Variants in ZHX2 observed in about 807,000 individuals in gnomAD.
ZHX2 encodes zinc fingers and homeoboxes protein 2.
In ZHX2, 6 loss-of-function variants were observed where a neutral mutation model predicts 21.9. The ratio of observed to expected loss-of-function variants is 0.27; its 90% CI spans 0.15 to 0.54. ZHX2 has a LOEUF of 0.54. ZHX2 is among the 20% of genes least tolerant of loss of function. The pLI, the probability that ZHX2 is intolerant of heterozygous loss-of-function variation, is 0.95. For synonymous variants in ZHX2, 434 were observed against 437.1 expected (o/e 0.99, Z 0.09); for missense variants, 908 against 1,090.7 (o/e 0.83, Z 2.36).
intron 2 of ZHX2, among the ~76,000 whole-genome samples, chr8:122,890,341 T>C (rs1819947391): frequency 6.6e-6 from 1 of 152,210 alleles, no homozygotes; most frequent in South Asian, 2.1e-4. Context: ...GCCCATACCA[T>C]ACTGTTTTGT....
intron 2 of ZHX2, among the ~76,000 whole-genome samples, chr8:122,940,277 A>G (rs1165691134): frequency 1.3e-5 from 2 of 152,220 alleles, no homozygotes; most frequent in Non-Finnish European, 2.9e-5. Flanking sequence ...CCTGGAGGCC[A>G]AGGCTTTACC....
intron 2 of ZHX2, among the ~76,000 whole-genome samples, chr8:122,900,176 T>C (rs1386358577): frequency 6.6e-6 from 1 of 152,112 alleles, no homozygotes; most frequent in Non-Finnish European, 1.5e-5. Flanking sequence ...TGAGGTTAGG[T>C]AATTTATAAA....
upstream of ZHX2, chr8:122,781,210 G>C (rs1400036447): frequency 1.3e-5 from 2 of 152,370 alleles, no homozygotes; most frequent in South Asian, 2.1e-4. The surrounding 1 kb of genome is among the most constrained non-coding windows in gnomAD (Gnocchi z 4.6). Context: ...CGCCAGAGCC[G>C]GGCCTGCAAG....
At chr8:122,864,622 G>T (rs1185427931) in intron 2 of ZHX2, among the ~76,000 whole-genome samples, 1 of 152,052 alleles carries the variant, frequency 6.6e-6, no homozygotes, top group African/African-American at 2.4e-5. Context: ...GGGAACAGGT[G>T]GCAAGACTCA....
intron 3 of ZHX2, among the ~76,000 whole-genome samples, chr8:122,965,621 C>T (rs1353866520): frequency 2.0e-5 from 3 of 152,084 alleles, no homozygotes; most frequent in Non-Finnish European, 4.4e-5. Flanking sequence ...AATGTATATT[C>T]TGCAGTTGTT....
intron 1 of ZHX2, among the ~76,000 whole-genome samples, chr8:122,833,608 G>A (rs1818427774): frequency 6.6e-6 from 1 of 152,102 alleles, no homozygotes; most frequent in Non-Finnish European, 1.5e-5. Flanking sequence ...TTGATGCGTT[G>A]GGTACTATGG....
intron 1 of ZHX2, among the ~76,000 whole-genome samples, chr8:122,818,013 T>G (rs1818069703): frequency 6.6e-6 from 1 of 152,194 alleles, no homozygotes; most frequent in Non-Finnish European, 1.5e-5. Flanking sequence ...GCACTTGTTA[T>G]CATTCAACCT....
At chr8:122,948,364 G>GCTCT (rs1813028947) in intron 2 of ZHX2, among the ~76,000 whole-genome samples, 2 of 152,024 alleles carry the variant, frequency 1.3e-5, no homozygotes, top group African/African-American at 4.8e-5. Flanking sequence ...TAGCCCATCA[G>GCTCT]CTCTCTATTC....
At chr8:122,885,532 C>T (rs1819818717) in intron 2 of ZHX2, among the ~76,000 whole-genome samples, 1 of 152,014 alleles carries the variant, frequency 6.6e-6, no homozygotes, top group Admixed American at 6.6e-5. Flanking sequence ...ACAGCACTGA[C>T]AATAACAAAA....
intron 1 of ZHX2, among the ~76,000 whole-genome samples, chr8:122,801,434 T>C (rs1350209149): frequency 6.6e-6 from 1 of 152,102 alleles, no homozygotes; most frequent in Non-Finnish European, 1.5e-5. Flanking sequence ...GGAGATGTTT[T>C]CCTTTCAGAA....
rs1817292416 is a variant in ZHX2, at chr8:122,781,856, T to G, written c.-373T>G. On this transcript the variant is annotated 5_prime_UTR_variant, in exon 1 of 4. Transcript: ENST00000314393. The surrounding 1 kb of genome is among the most constrained non-coding windows in gnomAD (Gnocchi z 4.6). ...CGCCCGGTGGGGAGTGGGGAGTGGG[T>G]GGGGGGAGCCAGCAGAGTTCCATTT... 6.6e-6 allele frequency: 1 copy of G among 151,002 alleles called. No individual in the cohort carries two copies. The highest frequency in any genetic ancestry group is 6.6e-5 in the Admixed American group (1 of 15,142). 9.4% of individuals were successfully genotyped at this position (151,002 alleles called of 1,614,324 possible).
At chr8:122,891,963 G>A (rs1819990839) in intron 2 of ZHX2, among the ~76,000 whole-genome samples, 1 of 152,178 alleles carries the variant, frequency 6.6e-6, no homozygotes, top group Non-Finnish European at 1.5e-5. Flanking sequence ...GTTTAAATAG[G>A]ATACTGGTTT....
intron 1 of ZHX2, among the ~76,000 whole-genome samples, chr8:122,813,440 C>T (rs1817971265): frequency 1.3e-5 from 2 of 152,152 alleles, no homozygotes; most frequent in Admixed American, 6.5e-5. Context: ...CAAAGACTTT[C>T]AGAGCTTGAC....
intron 3 of ZHX2, among the ~76,000 whole-genome samples, chr8:122,968,922 G>A (rs1266662285): frequency 1.3e-5 from 2 of 152,052 alleles, no homozygotes; most frequent in African/African-American, 2.4e-5. Flanking sequence ...ATTTTGGGAG[G>A]CAAAGCCAGG....
At chr8:122,898,887 C>T (rs1455503946) in intron 2 of ZHX2, among the ~76,000 whole-genome samples, 1 of 152,216 alleles carries the variant, frequency 6.6e-6, no homozygotes, top group African/African-American at 2.4e-5. Flanking sequence ...CCAAGTCTGC[C>T]CTTCCCCACT....
chr8:122,900,715 A>G (rs4870824), intron 2 of ZHX2, among the ~76,000 whole-genome samples: 77,014 of 152,070 alleles, frequency 0.51, 19,723 homozygotes, highest in South Asian at 0.63. Flanking sequence ...GGGGCTGTCA[A>G]TGAGGTCACA....
chr8:122,899,289 A>C (rs1397741476), intron 2 of ZHX2, among the ~76,000 whole-genome samples: 1 of 151,846 alleles, frequency 6.6e-6, no homozygotes, highest in African/African-American at 2.4e-5. Context: ...ATTTTTCTTC[A>C]CAGCACTGGG....
At position 122,868,707 on chromosome 8, in the gene ZHX2, A is replaced by C. The variant is rs983742426; in HGVS notation, c.-220+5168A>C. ...CAGAGCAAGACTCCGTCAAAAAAAAAAAAAAAAAAAAAAATAGCCAGACAT... is the reference window on the plus strand; with the variant it reads ...CAGAGCAAGACTCCGTCAAAAAAAACAAAAAAAAAAAAAATAGCCAGACAT... On this transcript the variant is annotated intron_variant, in intron 2 of 3. Transcript: ENST00000314393. 5.1e-3 allele frequency among the ~76,000 whole-genome samples: 770 copies of C among 151,550 alleles called. 7 individuals are homozygous for C. Among genetic ancestry groups the C allele is most frequent in the African/African-American group, 0.018 (737 of 41,358 alleles).
At chr8:122,873,854 CT>C (rs1819504486) in intron 2 of ZHX2, among the ~76,000 whole-genome samples, 1 of 152,148 alleles carries the variant, frequency 6.6e-6, no homozygotes, top group African/African-American at 2.4e-5. Flanking sequence ...TCAGGGCCCC[CT>C]TCCATCTTCA....
Sources: allele counts gnomAD v4.1 joint callset (sites outside exome capture counted in the v4.1 genomes callset), GRCh38; gene constraint gnomAD v4.1.1; non-coding constraint Gnocchi (gnomAD v3.1); transcripts MANE v1.5; gene names NCBI Gene and HGNC (gene_info 2026-07-23, HGNC 2026-07-21).